ZFC3H1: variants seen among roughly 807,000 people sequenced by gnomAD.
ZFC3H1 encodes zinc finger C3H1 domain-containing protein.
ZFC3H1 carries 71 observed loss-of-function variants against 243.7 expected under a neutral mutation model. That is an observed-to-expected ratio of 0.29 (90% CI 0.24 to 0.36). The LOEUF (loss-of-function observed/expected upper bound fraction) is 0.36. ZFC3H1 is among the 10% of genes least tolerant of loss of function. The pLI, the probability that ZFC3H1 is intolerant of heterozygous loss-of-function variation, is 1.00. For synonymous variants in ZFC3H1, 838 were observed against 813.0 expected, an observed-to-expected ratio of 1.03 and a Z score of -0.52; for missense variants, 1,966 against 2,317.1, an observed-to-expected ratio of 0.85 and a Z score of 3.11.
At position 71,632,195 on chromosome 12, in the gene ZFC3H1, G is replaced by A; in HGVS notation, c.3137C>T (p.Ser1046Phe). 1 of 1,605,312 alleles carries A rather than the reference G, an allele frequency of 6.2e-7. No individual in the cohort carries two copies. The highest frequency in any genetic ancestry group is 8.5e-7 in the Non-Finnish European group (1 of 1,176,902). Reference protein sequence around the residue: ...LSGSSRERRRSFLESNYFTKP... With the variant: ...LSGSSRERRRFFLESNYFTKP... Reference sequence around the variant, plus strand: ...AGTAAAATAATTGGATTCTAAAAAAGATCTTCTTCGCTCTCTGCTTGAACC... The same window carrying A: ...AGTAAAATAATTGGATTCTAAAAAAAATCTTCTTCGCTCTCTGCTTGAACC... The change falls in exon 15 of 35, where the codon TCT becomes TTT. Residue 1046 changes from serine to phenylalanine, a missense_variant. Ser to Phe is a radical substitution (Grantham distance 155, BLOSUM62 -2). Coordinates refer to ENST00000378743, the MANE Select transcript of ZFC3H1 (RefSeq NM_144982.5).
At chr12:71,634,131 A>G (rs748851839) in intron 12 of ZFC3H1, 24 bp downstream of exon 12, 1 of 1,601,568 alleles carries the variant, frequency 6.2e-7, no homozygotes, top group African/African-American at 1.3e-5. Flanking sequence ...GAACAATTAG[A>G]TATGTGAAGA....
chr12:71,618,780 T>A (rs1291846887), intron 27 of ZFC3H1, among the ~76,000 whole-genome samples: 1 of 152,132 alleles, frequency 6.6e-6, no homozygotes, highest in Non-Finnish European at 1.5e-5. Context: ...ACTGTTGGAA[T>A]AGGAACTCTC....
chr12:71,659,910 TAA>T (rs1022396999), intron 1 of ZFC3H1, among the ~76,000 whole-genome samples: 11 of 152,210 alleles, frequency 7.2e-5, no homozygotes, highest in African/African-American at 2.7e-4. Flanking sequence ...TTTGAAAGTT[TAA>T]AAGAGTAGTC....
At chr12:71,644,429 GT>G in intron 4 of ZFC3H1, 111 bp from the exon 5 acceptor site, 1 of 1,168,116 alleles carries the variant, frequency 8.6e-7, no homozygotes, top group Non-Finnish European at 1.2e-6. Flanking sequence ...CTCCTAAGTT[GT>G]TTATATAAGA....
chr12:71,644,112 T>C lies in ZFC3H1; in HGVS notation c.1486A>G (p.Arg496Gly). Residue 496 changes from arginine (R) to glycine (G), a missense_variant, in exon 5 of 35, where the codon AGG (arginine) becomes GGG (glycine). Around this residue, in one of 4 missense-constraint regions of ZFC3H1, gnomAD observed 1,383 missense variants for 1,723.7 expected, o/e 0.80. Transcript: ENST00000378743. The stretch of plus-strand genomic sequence containing the variant: ...TTTCTTACTTTACTTCTTGATCTCC[T>C]CTTGCCACCAACCAATTTCATGAAT... ...NRFMKLVGGK[R>G]RSRSKSSDPD... 1 of 1,613,802 alleles carries C rather than the reference T, an allele frequency of 6.2e-7. No homozygotes were observed. The highest frequency in any genetic ancestry group is 8.5e-7 in the Non-Finnish European group (1 of 1,179,894).
intron 4 of ZFC3H1, 97 bp downstream of exon 4, chr12:71,644,780 T>G: frequency 7.2e-7 from 1 of 1,381,650 alleles, no homozygotes; most frequent in Non-Finnish European, 9.8e-7. Context: ...ATCATGCCAC[T>G]GTACTCCAGC....
chr12:71,627,783 C>T lies in ZFC3H1; in HGVS notation c.4098G>A (p.Lys1366=), dbSNP rs1034474453. The change falls in exon 21 of 35, where the codon AAG becomes AAA. Residue 1366 remains lysine, a synonymous_variant. Coordinates refer to ENST00000378743, the MANE Select transcript of ZFC3H1 (RefSeq NM_144982.5). ...ENPSHVQLWL[K]LAYKYLNQNE... ...TTTGATTCAAGTACTTGTACGCAAG[C>T]TTGAGCCAAAGTTGTACATGAGAAG... 6.2e-7 allele frequency: 1 copy of T among 1,613,218 alleles called. No individual in the cohort carries two copies. Among genetic ancestry groups the T allele is most frequent in the Admixed American group, 1.7e-5 (1 of 59,900 alleles).
In ZFC3H1 at chr12:71,626,595, T is replaced by A. The variant is rs1592588985; in HGVS notation, c.4131-149A>T. On this transcript the variant is annotated intron_variant, in intron 21 of 34. Coordinates refer to ENST00000378743, the MANE Select transcript of ZFC3H1 (RefSeq NM_144982.5). ...TCACTTATGAAAAGGGGTACTAGAT[T>A]TCAGATTTTAAATCACATGCCTAAA... 7.0e-6 allele frequency: 5 copies of A among 710,742 alleles called. No individual in the cohort carries two copies. The Admixed American group carries it at 1.6e-4, about 23-fold the overall frequency. 44.0% of individuals were successfully genotyped at this position (710,742 alleles called of 1,614,324 possible).
chr12:71,659,584 AAAAAG>A (rs1348841760), intron 1 of ZFC3H1, among the ~76,000 whole-genome samples: 10 of 152,336 alleles, frequency 6.6e-5, no homozygotes, highest in African/African-American at 1.9e-4. Context: ...CAATTAAAAA[AAAAAG>A]AAAAGAAAGG....
At chr12:71,653,875 G>A (rs543062339) in intron 2 of ZFC3H1, among the ~76,000 whole-genome samples, 22 of 152,136 alleles carry the variant, frequency 1.4e-4, no homozygotes, top group South Asian at 8.3e-4. Context: ...TTAGCCGGGC[G>A]CAATGGCATG....
At position 71,657,168 on chromosome 12, in the gene ZFC3H1, C is replaced by T; in HGVS notation, c.732G>A (p.Lys244=). 6.2e-7 allele frequency: 1 copy of T among 1,613,830 alleles called. No individual in the cohort carries two copies. Among genetic ancestry groups the T allele is most frequent in the Non-Finnish European group, 8.5e-7 (1 of 1,179,910 alleles). The change falls in exon 2 of 35, where the codon AAG becomes AAA. Residue 244 remains lysine, a synonymous_variant. Transcript: ENST00000378743. The part of the protein sequence containing the change: ...QIQLELECIN[K]DEKLALSSKE... ...TGCTACTCAATGCTAGTTTTTCATC[C>T]TTATTGATGCATTCTAGTTCCAACT...
At chr12:71,631,105 G>C (rs566296688) in intron 16 of ZFC3H1, 151 bp from the exon 17 acceptor site, 5 of 787,482 alleles carry the variant, frequency 6.3e-6, no homozygotes, top group African/African-American at 5.3e-5. Flanking sequence ...AAATTAATTC[G>C]AGAAAAGACC....
intron 1 of ZFC3H1, among the ~76,000 whole-genome samples, chr12:71,659,574 CA>C (rs2137566616): frequency 6.7e-6 from 1 of 148,742 alleles, no homozygotes; most frequent in East Asian, 2.0e-4. Context: ...GGCACAACTG[CA>C]ATTAAAAAAA....
At chr12:71,621,465 G>A (rs149651305) in intron 24 of ZFC3H1, among the ~76,000 whole-genome samples, 1,992 of 152,032 alleles carry the variant, frequency 0.013, 41 homozygotes, top group African/African-American at 0.045. Context: ...CACCATGCCC[G>A]ACTAGTTTTT....
intron 28 of ZFC3H1, 131 bp from the exon 29 acceptor site, chr12:71,615,069 T>G: frequency 9.2e-7 from 1 of 1,088,538 alleles, no homozygotes; most frequent in South Asian, 1.5e-5. Flanking sequence ...CTCTAGTATA[T>G]ACTAAACCTT....
In ZFC3H1 at chr12:71,657,426, T is replaced by C. The variant is rs1006585489; in HGVS notation, c.599-125A>G. 3.0e-5 allele frequency: 23 copies of C among 766,736 alleles called. No homozygotes were observed. The African/African-American group carries it at 3.9e-4, about 13-fold the overall frequency. The allele number at this position is 766,736 out of a possible 1,614,324, so 47.5% of individuals were successfully genotyped here. On this transcript the variant is annotated intron_variant, in intron 1 of 34. Coordinates refer to ENST00000378743, the MANE Select transcript of ZFC3H1 (RefSeq NM_144982.5). ...TTCAAGAAAAATGAATCGATATTTT[T>C]AAATTACTAAATTCCATTTAATGTA...
chr12:71,640,578 C>T (rs746705812), intron 6 of ZFC3H1, among the ~76,000 whole-genome samples: 2 of 152,220 alleles, frequency 1.3e-5, no homozygotes, highest in Non-Finnish European at 2.9e-5. Context: ...CCACCCACCC[C>T]CAAGGCCATG....
chr12:71,659,047 G>A (rs1881095313), intron 1 of ZFC3H1, among the ~76,000 whole-genome samples: 1 of 151,890 alleles, frequency 6.6e-6, no homozygotes, highest in Admixed American at 6.6e-5. Context: ...TTCCCTATTT[G>A]TGTTTTGTCT....
chr12:71,636,809 A>C, intron 8 of ZFC3H1, 41 bp downstream of exon 8: 1 of 1,604,688 alleles, frequency 6.2e-7, no homozygotes, highest in Non-Finnish European at 8.5e-7. Flanking sequence ...CGTAAAGCTA[A>C]GCTCAAGAGC....
Sources: allele counts gnomAD v4.1 joint callset (sites outside exome capture counted in the v4.1 genomes callset), GRCh38; gene constraint gnomAD v4.1.1; regional missense constraint gnomAD v4.1.1; transcripts MANE v1.5; gene names NCBI Gene and HGNC (gene_info 2026-07-23, HGNC 2026-07-21).